Variants in MATN4 observed in about 807,000 individuals in gnomAD.
MATN4 encodes matrilin-4.
A neutral mutation model predicts 54.6 loss-of-function variants in MATN4; 40 were observed. That is an observed-to-expected ratio of 0.73 (90% CI 0.57 to 0.95). The LOEUF (loss-of-function observed/expected upper bound fraction) is 0.95. Ranked by LOEUF, MATN4 falls within the 40% of genes least tolerant of loss-of-function variation. The probability of loss-of-function intolerance (pLI) is 0.00; values close to 1 mark genes in which losing one functional copy is unlikely to be tolerated. For synonymous variants in MATN4, 351 were observed against 345.3 expected (o/e 1.02, Z -0.18); for missense variants, 810 against 819.1 (o/e 0.99, Z 0.13).
In MATN4 at chr20:45,294,034, G is replaced by GGGT; in HGVS notation, c.1580-22_1580-20dup. The GGGT allele has an allele frequency of 6.3e-7, 1 of 1,583,316 alleles. No individual in the cohort carries two copies. On this transcript the variant is annotated intron_variant, in intron 8 of 9. Coordinates refer to ENST00000372756, the MANE Select transcript of MATN4 (RefSeq NM_001393530.1). ...CCCTCCTCTGCAAGCCGGACACAGA[G>GGGT]GGTCAGGGGGATGAGAAATTGCCCT... is the stretch of plus-strand genomic sequence containing the variant.
intron 8 of MATN4, among the ~76,000 whole-genome samples, chr20:45,294,616 A>G (rs1985694806): frequency 6.6e-6 from 1 of 152,260 alleles, no homozygotes; most frequent in Non-Finnish European, 1.5e-5. Flanking sequence ...ATCAATTGTA[A>G]TTAAATAGGT....
intron 8 of MATN4, among the ~76,000 whole-genome samples, chr20:45,297,142 T>A (rs1197273221): frequency 7.1e-6 from 1 of 141,280 alleles, no homozygotes; most frequent in Non-Finnish European, 1.5e-5. Context: ...CCCCTACATA[T>A]ATCTAAAAAA....
intron 3 of MATN4, among the ~76,000 whole-genome samples, chr20:45,302,860 A>C (rs1259415866): frequency 6.6e-6 from 1 of 152,194 alleles, no homozygotes; most frequent in Non-Finnish European, 1.5e-5. Context: ...AGGCGGGCAG[A>C]TCACTTGAGG....
Position 45,293,701 on chromosome 20 carries a change from G to T in MATN4, c.*66C>A. On this transcript the variant is annotated 3_prime_UTR_variant, in exon 10 of 10. Transcript: ENST00000372756. ...AGGTTCTGCCTGGCCCCGGCGCACC[G>T]ATGGCGCGCAAGGGGCACCGTCCGT... The T allele has an allele frequency of 6.9e-7, 1 of 1,439,836 alleles. No homozygotes were observed. The highest frequency in any genetic ancestry group is 9.3e-7 in the Non-Finnish European group (1 of 1,077,394). The allele number at this position is 1,439,836 out of a possible 1,614,324, so 89.2% of individuals were successfully genotyped here.
intron 8 of MATN4, among the ~76,000 whole-genome samples, chr20:45,296,338 A>G (rs1033117621): frequency 6.6e-6 from 1 of 152,086 alleles, no homozygotes; most frequent in Non-Finnish European, 1.5e-5. Flanking sequence ...AATAAGCACA[A>G]TACCTGCCAT....
chr20:45,296,889 C>G (rs1322377202), intron 8 of MATN4, among the ~76,000 whole-genome samples: 1 of 151,840 alleles, frequency 6.6e-6, no homozygotes, highest in Non-Finnish European at 1.5e-5. Flanking sequence ...CAGGGTCTCA[C>G]TCTGTCACCA....
rs1986554072 is a variant in MATN4 at position 45,305,520 on chromosome 20, G to A, written c.63C>T (p.Leu21=). Residue 21 remains leucine (L), a synonymous_variant, in exon 2 of 10, where the codon CTC becomes CTT. Transcript: ENST00000372756. The part of the protein sequence containing the change: ...LLLLQPWETQ[L]QLTGPRCHTG... Reference sequence around the variant, plus strand: ...TGGGCCCCAGTTCACCTGTCAACTGGAGCTGGGTTTCCCAGGGCTGAAGAA... The same window carrying A: ...TGGGCCCCAGTTCACCTGTCAACTGAAGCTGGGTTTCCCAGGGCTGAAGAA... 1 of 1,555,152 alleles carries A rather than the reference G, an allele frequency of 6.4e-7. No individual in the cohort carries two copies. Among genetic ancestry groups the A allele is most frequent in the Non-Finnish European group, 8.7e-7 (1 of 1,149,132 alleles).
chr20:45,307,929 C>G (rs780175829), intron 1 of MATN4, among the ~76,000 whole-genome samples: 10 of 152,012 alleles, frequency 6.6e-5, no homozygotes, highest in Admixed American at 3.9e-4. Context: ...TAAATAAATT[C>G]TCAAAAGTCC....
intron 6 of MATN4, 62 bp downstream of exon 6, chr20:45,300,825 G>T: frequency 6.3e-7 from 1 of 1,596,580 alleles, no homozygotes; most frequent in Non-Finnish European, 8.5e-7. Flanking sequence ...CAAAGTCAAG[G>T]ACACTCCAAA....
intron 1 of MATN4, 122 bp from the exon 2 acceptor site, chr20:45,305,738 A>G (rs2145671524): frequency 2.7e-6 from 1 of 368,084 alleles, no homozygotes; most frequent in East Asian, 4.3e-5. Flanking sequence ...ATTTTTGTGT[A>G]TGTTTGAAAT....
chr20:45,303,337 A>C, intron 3 of MATN4: 1 of 690,956 alleles, frequency 1.4e-6, no homozygotes, highest in South Asian at 1.5e-5. Flanking sequence ...GGCAATGGAG[A>C]GCCAAAGAAG....
At position 45,298,109 on chromosome 20, in the gene MATN4, G is replaced by A; in HGVS notation, c.1427-39C>T. 1 of 1,604,054 alleles carries A rather than the reference G, an allele frequency of 6.2e-7. No individual in the cohort carries two copies. The highest frequency in any genetic ancestry group is 8.5e-7 in the Non-Finnish European group (1 of 1,172,826). ...GTCTCAGAGGGTGCCCCAGGCCTCG[G>A]GAAAGCTGCCTCCCAGCGTCTGACC... is the stretch of plus-strand genomic sequence containing the variant. On this transcript the variant is annotated intron_variant, in intron 7 of 9. Coordinates refer to ENST00000372756, the MANE Select transcript of MATN4 (RefSeq NM_001393530.1). This position sits in a 1 kb window ranked among gnomAD's most constrained non-coding sequence, Gnocchi z 4.6.
chr20:45,299,746 G>C (rs1389331234), intron 6 of MATN4, among the ~76,000 whole-genome samples: 1 of 151,674 alleles, frequency 6.6e-6, no homozygotes, highest in East Asian at 1.9e-4. Flanking sequence ...AGCATGGTGG[G>C]GCACACCTGT....
chr20:45,303,280 T>C (rs1355925830), intron 3 of MATN4: 1 of 631,786 alleles, frequency 1.6e-6, no homozygotes, highest in Non-Finnish European at 3.0e-6. Flanking sequence ...GATGGAGGTG[T>C]GCTTTTACTG....
intron 3 of MATN4, chr20:45,303,387 A>T: frequency 1.4e-6 from 1 of 715,326 alleles, no homozygotes. Flanking sequence ...GATAGCTGTC[A>T]TCCAAACAGC....
chr20:45,297,962 G>A lies in MATN4; in HGVS notation c.1535C>T (p.Thr512Ile). The A allele has an allele frequency of 6.2e-7, 1 of 1,614,218 alleles. No individual in the cohort carries two copies. The highest frequency in any genetic ancestry group is 8.5e-7 in the Non-Finnish European group (1 of 1,180,038). The part of the protein sequence containing the change: ...LHVSYAPDFG[T>I]MTHLLENLRG... ...GAGGTTCTCCAGCAGGTGCGTCATG[G>A]TGCCGAAGTCCGGGGCATAGGACAC... The change falls in exon 8 of 10, where the codon ACC becomes ATC. Residue 512 changes from threonine (T) to isoleucine (I), a missense_variant. Thr to Ile is a moderately conservative substitution (Grantham distance 89, BLOSUM62 -1). Transcript: ENST00000372756.
intron 3 of MATN4, chr20:45,303,615 A>T (rs1041351601): frequency 1.3e-5 from 8 of 619,710 alleles, no homozygotes; most frequent in Admixed American, 4.9e-5. Flanking sequence ...TCACCCTCAA[A>T]TGGCTTTCAG....
At chr20:45,303,451 G>C (rs1003455534) in intron 3 of MATN4, 5 of 717,226 alleles carry the variant, frequency 7.0e-6, no homozygotes, top group Admixed American at 6.0e-5. Context: ...GTGGAACATG[G>C]CCCAGGCATT....
In MATN4 at chr20:45,300,783, T is replaced by A. The variant is rs1219798856; in HGVS notation, c.1012+104A>T. ...GTCACCCCCACAACACACACAGACATTCACACCACAGCCTAGGGGCCACAG... is the reference window on the plus strand; with the variant it reads ...GTCACCCCCACAACACACACAGACAATCACACCACAGCCTAGGGGCCACAG... On this transcript the variant is annotated intron_variant, in intron 6 of 9. Coordinates refer to ENST00000372756, the MANE Select transcript of MATN4 (RefSeq NM_001393530.1). 1.0e-5 allele frequency: 15 copies of A among 1,440,474 alleles called. No individual in the cohort carries two copies. The Admixed American group carries it at 2.8e-4, about 27-fold the overall frequency. The allele number at this position is 1,440,474 out of a possible 1,614,324, so 89.2% of individuals were successfully genotyped here.
Sources: gnomAD v4.1 joint callset for allele counts (sites outside exome capture counted in the v4.1 genomes callset) on GRCh38, gnomAD v4.1.1 for gene constraint, Gnocchi (gnomAD v3.1) non-coding constraint, MANE v1.5 for transcripts, NCBI Gene and HGNC (gene_info 2026-07-23, HGNC 2026-07-21) for gene names.